The following DAB1 variants were observed in gnomAD, a reference collection of about 807,000 sequenced individuals.
The protein encoded by DAB1 is disabled homolog 1.
In DAB1, 15 loss-of-function variants were observed where a neutral mutation model predicts 64.6. That is an observed-to-expected ratio of 0.23 (90% CI 0.16 to 0.36). DAB1 has a LOEUF of 0.36. DAB1 is among the 10% of genes least tolerant of loss of function. The pLI is 1.00. For missense variants in DAB1, 596 were observed against 706.7 expected (o/e 0.84, Z 1.78); for synonymous variants, 235 against 251.9 (o/e 0.93, Z 0.64).
intron 2 of DAB1, among the ~76,000 whole-genome samples, chr1:57,219,770 A>C (rs555886588): frequency 1.3e-5 from 2 of 152,300 alleles, no homozygotes; most frequent in African/African-American, 2.4e-5. Flanking sequence ...TGCAACCACA[A>C]GAACTAAATT....
chr1:57,245,646 G>A (rs1448013893), intron 2 of DAB1, among the ~76,000 whole-genome samples: 1 of 152,180 alleles, frequency 6.6e-6, no homozygotes, highest in Non-Finnish European at 1.5e-5. Context: ...ATTCCATGGT[G>A]TATATGTGCC....
intron 5 of DAB1, among the ~76,000 whole-genome samples, chr1:58,085,958 C>CTTTTTTTTTTTT (rs911523306): frequency 1.0e-5 from 1 of 98,724 alleles, no homozygotes; most frequent in Non-Finnish European, 1.9e-5. Flanking sequence ...ATCTCTCTCT[C>CTTTTTTTTTTTT]TTTTTTTTTT....
chr1:57,863,447 A>G (rs1052582970), intron 1 of DAB1, among the ~76,000 whole-genome samples: 1 of 152,238 alleles, frequency 6.6e-6, no homozygotes, highest in Non-Finnish European at 1.5e-5. Flanking sequence ...AAATACGCCA[A>G]TAGAACTTAA....
chr1:58,398,441 G>A (rs921521983), intron 3 of DAB1, among the ~76,000 whole-genome samples: 3 of 152,176 alleles, frequency 2.0e-5, no homozygotes, highest in South Asian at 2.1e-4. Context: ...CTCCATGCCC[G>A]TCCAAGCCAC....
At chr1:58,019,549 T>C (rs115828923) in intron 5 of DAB1, among the ~76,000 whole-genome samples, 2 of 152,212 alleles carry the variant, frequency 1.3e-5, no homozygotes, top group African/African-American at 4.8e-5. Flanking sequence ...ATGTTTCTTA[T>C]GTTATCCTAT....
chr1:58,014,793 G>A (rs1039887173), intron 5 of DAB1, among the ~76,000 whole-genome samples: 2 of 152,094 alleles, frequency 1.3e-5, no homozygotes, highest in African/African-American at 4.8e-5. Flanking sequence ...TGAGGGAATC[G>A]ATTTGCCTGA....
At chr1:57,526,122 G>A (rs1171920469) in intron 7 of DAB1, among the ~76,000 whole-genome samples, 1 of 152,012 alleles carries the variant, frequency 6.6e-6, no homozygotes, top group African/African-American at 2.4e-5. Context: ...ATTTTCAGTA[G>A]AGACGGGGTT....
At chr1:57,212,932 G>A (rs1425717101) in intron 2 of DAB1, among the ~76,000 whole-genome samples, 7 of 152,102 alleles carry the variant, frequency 4.6e-5, no homozygotes, top group Non-Finnish European at 1.0e-4. Flanking sequence ...CAACACTGAC[G>A]GCCTGAGAAT....
chr1:58,443,180 C>T (rs1645031413), intron 3 of DAB1, among the ~76,000 whole-genome samples: 1 of 152,202 alleles, frequency 6.6e-6, no homozygotes, highest in South Asian at 2.1e-4. Context: ...CTACACTCCT[C>T]AACACATACT....
At chr1:57,199,711 A>G (rs1178420626) in intron 2 of DAB1, among the ~76,000 whole-genome samples, 1 of 152,172 alleles carries the variant, frequency 6.6e-6, no homozygotes, top group African/African-American at 2.4e-5. Flanking sequence ...TTGAAGTCAG[A>G]AGTCCGAGGC....
intron 2 of DAB1, among the ~76,000 whole-genome samples, chr1:57,275,461 G>T (rs1170356981): frequency 1.3e-5 from 2 of 152,150 alleles, no homozygotes; most frequent in Non-Finnish European, 2.9e-5. Context: ...ACAGATATTA[G>T]AAAAATGTAT....
chr1:57,657,719 C>T (rs1179271444), intron 6 of DAB1, among the ~76,000 whole-genome samples: 4 of 152,106 alleles, frequency 2.6e-5, no homozygotes, highest in East Asian at 3.9e-4. Flanking sequence ...CAAAAGAATA[C>T]GTTCATGTGT....
chr1:58,361,019 G>A (rs1384713156), intron 3 of DAB1, among the ~76,000 whole-genome samples: 1 of 152,154 alleles, frequency 6.6e-6, no homozygotes, highest in East Asian at 1.9e-4. Context: ...ATTTTGAAAT[G>A]CTTTAGATAT....
At chr1:57,334,067 C>G (rs1676889845) in intron 1 of DAB1, among the ~76,000 whole-genome samples, 1 of 152,214 alleles carries the variant, frequency 6.6e-6, no homozygotes. Context: ...CTCCCATTCT[C>G]TCTCAGTAAA....
At chr1:57,927,950 C>T (rs1321975162) in intron 5 of DAB1, among the ~76,000 whole-genome samples, 2 of 152,104 alleles carry the variant, frequency 1.3e-5, no homozygotes, top group African/African-American at 4.8e-5. Context: ...TTGCCATCCA[C>T]CAATCCATGT....
intron 4 of DAB1, among the ~76,000 whole-genome samples, chr1:58,219,422 C>T (rs1362999410): frequency 6.6e-6 from 1 of 152,180 alleles, no homozygotes; most frequent in Non-Finnish European, 1.5e-5. Context: ...GGTTAGCATC[C>T]TGCAAAGGCT....
At chr1:57,441,286 CT>C (rs1342332032) in intron 7 of DAB1, among the ~76,000 whole-genome samples, 4 of 28,440 alleles carry the variant, frequency 1.4e-4, no homozygotes, top group South Asian at 2.1e-3. Context: ...TTCTTTCTTT[CT>C]TTCTTTCTTT....
At chr1:57,476,094 C>T (rs970388236) in intron 7 of DAB1, among the ~76,000 whole-genome samples, 14 of 151,768 alleles carry the variant, frequency 9.2e-5, no homozygotes, top group Admixed American at 3.3e-4. Flanking sequence ...GGCATGGTGG[C>T]GCACGCCTGT....
In DAB1 at chr1:57,478,908, A is replaced by G. The variant is rs534487860; in HGVS notation, n.625+170684T>C. ...AGCCACTGCGCCCGGCCCGGTTCCCATTCTTTTGCTAAGTCTACTGACTAG... is the reference window on the plus strand; with the variant it reads ...AGCCACTGCGCCCGGCCCGGTTCCCGTTCTTTTGCTAAGTCTACTGACTAG... On this transcript the variant is annotated intron_variant and non_coding_transcript_variant, in intron 7 of 20. Transcript: ENST00000485760. Among the ~76,000 whole-genome samples the G allele has an allele frequency of 5.3e-5, 8 of 151,908 alleles. No homozygotes were observed. The South Asian group carries it at 1.7e-3, about 32-fold the overall frequency.
Sources: gnomAD v4.1 joint callset for allele counts (sites outside exome capture counted in the v4.1 genomes callset) on GRCh38, gnomAD v4.1.1 for gene constraint, MANE v1.5 for transcripts, NCBI Gene and HGNC (gene_info 2026-07-23, HGNC 2026-07-21) for gene names.